Variants in ZNF202 observed in about 807,000 individuals in gnomAD.
ZNF202 encodes zinc finger protein with KRAB and SCAN domains 10.
A neutral mutation model predicts 54.5 loss-of-function variants in ZNF202; 22 were observed. The ratio of observed to expected loss-of-function variants is 0.40; its 90% CI spans 0.29 to 0.58. The LOEUF is 0.58. Ranked by LOEUF, ZNF202 falls within the 20% of genes least tolerant of loss-of-function variation. The pLI is 0.39. For missense variants in ZNF202, 644 were observed against 805.5 expected, an observed-to-expected ratio of 0.80 and a Z score of 2.43; for synonymous variants, 294 against 301.4, an observed-to-expected ratio of 0.98 and a Z score of 0.26.
At position 123,726,867 on chromosome 11, in the gene ZNF202, C is replaced by T. The variant is rs753155876; in HGVS notation, c.1077G>A (p.Glu359=). 23 of 1,614,070 alleles carry T rather than the reference C, an allele frequency of 1.4e-5. No individual in the cohort carries two copies. Among genetic ancestry groups the T allele is most frequent in the Non-Finnish European group, 1.9e-5 (23 of 1,180,052 alleles). The change falls in exon 9 of 9, where the codon GAG becomes GAA. Residue 359 remains glutamate (E), a synonymous_variant. Coordinates refer to ENST00000530393, the MANE Select transcript of ZNF202 (RefSeq NM_003455.4). The surrounding 1 kb of genome is among the most constrained non-coding windows in gnomAD (Gnocchi z 6.0). ...HQTPDWEIVF[E]DNPGRLNERR... The stretch of plus-strand genomic sequence containing the variant: ...TTTCATTAAGTCTACCTGGATTGTC[C>T]TCAAAGACTATTTCCCAATCTGGAG...
At position 123,727,532 on chromosome 11, in the gene ZNF202, T is replaced by G; in HGVS notation, c.896A>C (p.Asp299Ala). Reference protein sequence around the residue: ...QVREEEPWVPDIQEPQETQEP... With the variant: ...QVREEEPWVPAIQEPQETQEP... ...TTGAGTCTCCTGAGGCTCTTGGATA[T>G]CTGGGACCCAAGGCTCTTCCTCTCT... The change falls in exon 8 of 9, where the codon GAT (aspartate) becomes GCT (alanine). Residue 299 changes from aspartate to alanine, a missense_variant. Physicochemically the swap from Asp to Ala is moderately radical, Grantham distance 126. Transcript: ENST00000530393. The G allele has an allele frequency of 6.2e-7, 1 of 1,614,136 alleles. No individual in the cohort carries two copies. Among genetic ancestry groups the G allele is most frequent in the Non-Finnish European group, 8.5e-7 (1 of 1,180,016 alleles).
chr11:123,738,588 A>G (rs1287599076), intron 3 of ZNF202: 1 of 152,248 alleles, frequency 6.6e-6, no homozygotes, highest in African/African-American at 2.4e-5. Flanking sequence ...GATGTATGCA[A>G]TCTCTACAAC....
intron 1 of ZNF202, among the ~76,000 whole-genome samples, chr11:123,741,242 A>T (rs368364498): frequency 6.6e-6 from 1 of 152,056 alleles, no homozygotes; most frequent in Admixed American, 6.5e-5. Flanking sequence ...CGAGGTACGG[A>T]CTAACTACAT....
chr11:123,730,720 C>T lies in ZNF202; in HGVS notation c.169G>A (p.Ala57Thr). Residue 57 changes from alanine to threonine, a missense_variant, in exon 4 of 9, where the codon GCA becomes ACA. Ala to Thr is a moderately conservative substitution (Grantham distance 58). Transcript: ENST00000530393. The surrounding 1 kb of genome is among the most constrained non-coding windows in gnomAD (Gnocchi z 6.0). Reference sequence around the variant, plus strand: ...ATGAGAGCTTCTCTAGGGCTTGCTGCCTCCTGGTAGCGGAAGCGTCGGAAG... The same window carrying T: ...ATGAGAGCTTCTCTAGGGCTTGCTGTCTCCTGGTAGCGGAAGCGTCGGAAG... Reference protein sequence around the residue: ...QNFRRFRYQEAASPREALIRL... With the variant: ...QNFRRFRYQETASPREALIRL... The T allele has an allele frequency of 6.2e-7, 1 of 1,614,238 alleles. No homozygotes were observed. Among genetic ancestry groups the T allele is most frequent in the Non-Finnish European group, 8.5e-7 (1 of 1,180,040 alleles).
chr11:123,730,804 A>G lies in ZNF202; in HGVS notation c.85T>C (p.Cys29Arg). The change falls in exon 4 of 9, where the codon TGT (cysteine) becomes CGT (arginine). Residue 29 changes from cysteine (C) to arginine (R), a missense_variant. Transcript: ENST00000530393. The surrounding 1 kb of genome is among the most constrained non-coding windows in gnomAD (Gnocchi z 6.0). ...LMVKLEDDFT[C>R]RPESVLQRDD... ...CTCTGTAAGACAGACTCTGGCCGAC[A>G]GGTGAAATCATCTTCCAGTTTCACC... The G allele has an allele frequency of 6.2e-7, 1 of 1,614,228 alleles. No individual in the cohort carries two copies. Among genetic ancestry groups the G allele is most frequent in the Non-Finnish European group, 8.5e-7 (1 of 1,180,046 alleles).
chr11:123,733,980 A>G (rs1861521249), intron 3 of ZNF202, among the ~76,000 whole-genome samples: 1 of 152,172 alleles, frequency 6.6e-6, no homozygotes, highest in African/African-American at 2.4e-5. Flanking sequence ...AATCCCTAGA[A>G]ACCTTATTTT....
At chr11:123,727,197 G>C (rs1861189720) in intron 8 of ZNF202, among the ~76,000 whole-genome samples, 1 of 152,240 alleles carries the variant, frequency 6.6e-6, no homozygotes, top group African/African-American at 2.4e-5. Flanking sequence ...CAGAGATTGA[G>C]AATCGAGGGT....
chr11:123,729,445 T>C (rs895531952), intron 5 of ZNF202, among the ~76,000 whole-genome samples, 170 bp downstream of exon 5: 1 of 152,200 alleles, frequency 6.6e-6, no homozygotes, highest in African/African-American at 2.4e-5. Context: ...GCCCTGTTTA[T>C]GGGGGACTCT....
intron 3 of ZNF202, among the ~76,000 whole-genome samples, chr11:123,735,382 G>C (rs1351501609): frequency 6.6e-6 from 1 of 152,184 alleles, no homozygotes; most frequent in Non-Finnish European, 1.5e-5. Flanking sequence ...ACATGTAACA[G>C]TGCCACACCA....
Position 123,726,440 on chromosome 11 carries a change from T to C in ZNF202, c.1504A>G (p.Thr502Ala), listed in dbSNP as rs1350510069. 3 of 1,614,248 alleles carry C rather than the reference T, an allele frequency of 1.9e-6. No homozygotes were observed. Among genetic ancestry groups the C allele is most frequent in the Non-Finnish European group, 2.5e-6 (3 of 1,180,052 alleles). ...WTSDLVRHQRTHTGEKPFFCT... is the reference protein window; with the variant it reads ...WTSDLVRHQRAHTGEKPFFCT... ...AAGAAGGGTTTTTCTCCAGTATGTGTCCTCTGATGTCTGACAAGGTCTGAA... is the reference window on the plus strand; with the variant it reads ...AAGAAGGGTTTTTCTCCAGTATGTGCCCTCTGATGTCTGACAAGGTCTGAA... Residue 502 changes from threonine (T) to alanine (A), a missense_variant, in exon 9 of 9, where the codon ACA becomes GCA. Thr to Ala is a moderately conservative substitution (Grantham distance 58). This residue lies in a region of ZNF202 where 536 missense variants were observed against 635.3 expected (regional missense o/e 0.84). Coordinates refer to ENST00000530393, the MANE Select transcript of ZNF202 (RefSeq NM_003455.4). The surrounding 1 kb of genome is among the most constrained non-coding windows in gnomAD (Gnocchi z 6.0).
chr11:123,733,026 G>T (rs1399775006), intron 3 of ZNF202, among the ~76,000 whole-genome samples: 1 of 152,132 alleles, frequency 6.6e-6, no homozygotes, highest in African/African-American at 2.4e-5. Context: ...AACAGGCACG[G>T]ATACATTGGA....
chr11:123,736,800 T>C (rs117415079), intron 3 of ZNF202, among the ~76,000 whole-genome samples: 4,512 of 152,278 alleles, frequency 0.03, 106 homozygotes, highest in South Asian at 0.11. Flanking sequence ...ACTTATCTCA[T>C]GTGGTTGTTT....
chr11:123,736,264 T>A (rs1432073298), intron 3 of ZNF202, among the ~76,000 whole-genome samples: 1 of 152,172 alleles, frequency 6.6e-6, no homozygotes, highest in Non-Finnish European at 1.5e-5. Context: ...GGACCCTAAA[T>A]GACAAAGTCT....
At chr11:123,740,008 A>C (rs1861796196) in intron 3 of ZNF202, 109 bp downstream of exon 3, 1 of 152,222 alleles carries the variant, frequency 6.6e-6, no homozygotes, top group Non-Finnish European at 1.5e-5. Context: ...TGGCCAAACT[A>C]AAGGGTTTGC....
chr11:123,736,379 G>A (rs1034817677), intron 3 of ZNF202, among the ~76,000 whole-genome samples: 3 of 152,252 alleles, frequency 2.0e-5, no homozygotes, highest in Non-Finnish European at 2.9e-5. Flanking sequence ...ATTATATTTA[G>A]CAGATATTTA....
intron 6 of ZNF202, 73 bp downstream of exon 6, chr11:123,729,053 C>A (rs976249465): frequency 1.4e-6 from 2 of 1,476,456 alleles, no homozygotes; most frequent in South Asian, 1.2e-5. Flanking sequence ...TCCTGCTTCA[C>A]CTGTTTAGTA....
chr11:123,738,354 T>A (rs1293640063), intron 3 of ZNF202, among the ~76,000 whole-genome samples: 1 of 152,194 alleles, frequency 6.6e-6, no homozygotes, highest in African/African-American at 2.4e-5. Context: ...CACCTGGCCA[T>A]CATGGTCATG....
At chr11:123,727,051 A>G (rs546950739) in intron 8 of ZNF202, 60 bp from the exon 9 acceptor site, 1 of 1,532,922 alleles carries the variant, frequency 6.5e-7, no homozygotes, top group African/African-American at 1.4e-5. Flanking sequence ...CCTTCTACAC[A>G]ATGGGGAGAT....
In ZNF202 at chr11:123,729,118, G is replaced by A; in HGVS notation, c.702+8C>T. ...ATTCTCTGTGGTACAGAGGTAACTAGGGCACACCTGTGACAGAGCAGTAAG... is the reference window on the plus strand; with the variant it reads ...ATTCTCTGTGGTACAGAGGTAACTAAGGCACACCTGTGACAGAGCAGTAAG... On this transcript the variant is annotated splice_region_variant and intron_variant, in intron 6 of 8. Transcript: ENST00000530393. 1 of 1,613,508 alleles carries A rather than the reference G, an allele frequency of 6.2e-7. No individual in the cohort carries two copies. Among genetic ancestry groups the A allele is most frequent in the Non-Finnish European group, 8.5e-7 (1 of 1,179,828 alleles).
Sources: allele counts gnomAD v4.1 joint callset (sites outside exome capture counted in the v4.1 genomes callset), GRCh38; gene constraint gnomAD v4.1.1; regional missense constraint gnomAD v4.1.1; non-coding constraint Gnocchi (gnomAD v3.1); transcripts MANE v1.5; gene names NCBI Gene and HGNC (gene_info 2026-07-23, HGNC 2026-07-21).